ZNF560: variants seen among roughly 807,000 people sequenced by gnomAD.
ZNF560 encodes the protein zinc finger protein 560.
A neutral mutation model predicts 81.8 loss-of-function variants in ZNF560; 54 were observed. That is an observed-to-expected ratio of 0.66 (90% confidence interval 0.53 to 0.83). The LOEUF (loss-of-function observed/expected upper bound fraction) is 0.83, where lower values mean the gene tolerates loss of function less well. Ranked by LOEUF, ZNF560 falls within the 40% of genes least tolerant of loss-of-function variation. The pLI is 0.00. For synonymous variants in ZNF560, 321 were observed against 317.9 expected (o/e 1.01, Z -0.10); for missense variants, 940 against 932.4 (o/e 1.01, Z -0.11).
chr19:9,488,543 C>A (rs75704800), intron 2 of ZNF560, among the ~76,000 whole-genome samples: 2,612 of 152,090 alleles, frequency 0.017, 72 homozygotes, highest in African/African-American at 0.06. Context: ...TTATTTTTAT[C>A]ACTAGAGTCC....
chr19:9,447,604 C>T, the ZNF560 span, among the ~76,000 whole-genome samples: 8 of 152,002 alleles, frequency 5.3e-5, no homozygotes, highest in Admixed American at 5.2e-4. Context: ...CAACAGACTA[C>T]ACCAAGCAGA....
At chr19:9,498,675 G>A (rs561219115), upstream of ZNF560, 1 of 152,442 alleles carries the variant, frequency 6.6e-6, no homozygotes, top group Admixed American at 6.5e-5. Context: ...TCGTTGTGTG[G>A]GCAGTTGGAC....
At chr19:9,494,547 CA>C (rs1395420275) in intron 2 of ZNF560, among the ~76,000 whole-genome samples, 1 of 152,128 alleles carries the variant, frequency 6.6e-6, no homozygotes, top group Non-Finnish European at 1.5e-5. Flanking sequence ...CCAGCCTACC[CA>C]ACATGGCGAA....
intron 2 of ZNF560, among the ~76,000 whole-genome samples, chr19:9,481,052 C>A (rs896499152): frequency 1.4e-5 from 2 of 147,020 alleles, no homozygotes; most frequent in Non-Finnish European, 3.0e-5. Flanking sequence ...CCACTGCATT[C>A]CACCTGGGCA....
rs2073150315 is a variant in ZNF560, at chr19:9,473,264, A to C, written c.158-5T>G. The C allele has an allele frequency of 1.9e-6, 3 of 1,603,388 alleles. No individual in the cohort carries two copies. The highest frequency in any genetic ancestry group is 2.2e-5 in the East Asian group (1 of 44,614). On this transcript the variant is annotated splice_region_variant and splice_polypyrimidine_tract_variant and intron_variant, in intron 4 of 9. Coordinates refer to ENST00000301480, the MANE Select transcript of ZNF560 (RefSeq NM_152476.3). ...TGGGTTTAAAGAGCTGAAATCCTTT[A>C]CATGAAGAAATGATACATTAATGGA...
chr19:9,474,760 G>C (rs1023029355), intron 3 of ZNF560, among the ~76,000 whole-genome samples: 2 of 151,090 alleles, frequency 1.3e-5, no homozygotes, highest in Non-Finnish European at 2.9e-5. Flanking sequence ...CTGGGCTCAA[G>C]TGATCGTCCT....
chr19:9,474,371 C>A (rs372240235), intron 3 of ZNF560, 46 bp from the exon 4 acceptor site: 1 of 1,570,496 alleles, frequency 6.4e-7, no homozygotes, highest in Non-Finnish European at 8.6e-7. Flanking sequence ...AACAGATTAA[C>A]CAGTGTTCAC....
At chr19:9,475,147 A>C (rs559735517) in intron 3 of ZNF560, 137 bp downstream of exon 3, 1 of 844,446 alleles carries the variant, frequency 1.2e-6, no homozygotes, top group Non-Finnish European at 1.9e-6. Flanking sequence ...CCCTGGGGAA[A>C]TTCAACAAGT....
intron 2 of ZNF560, among the ~76,000 whole-genome samples, chr19:9,486,894 T>C (rs1291343428): frequency 1.3e-5 from 2 of 152,254 alleles, no homozygotes; most frequent in Non-Finnish European, 2.9e-5. Context: ...TCTATGTCCT[T>C]GTACTTTAAC....
chr19:9,480,380 A>C (rs1034139063), intron 2 of ZNF560, among the ~76,000 whole-genome samples: 3 of 128,532 alleles, frequency 2.3e-5, no homozygotes, highest in African/African-American at 9.9e-5. Flanking sequence ...GAAGTAACAC[A>C]CACCTGAACA....
chr19:9,447,965 T>C, the ZNF560 span, among the ~76,000 whole-genome samples: 87,279 of 151,878 alleles, frequency 0.57, 25,884 homozygotes, highest in African/African-American at 0.71. Flanking sequence ...CTAGAGGAAA[T>C]GGCACATCAG....
At chr19:9,506,251 C>T in the ZNF560 span, among the ~76,000 whole-genome samples, 1 of 152,100 alleles carries the variant, frequency 6.6e-6, no homozygotes, top group East Asian at 1.9e-4. Context: ...CCTCAGCCTC[C>T]CAAAGTGTTG....
At chr19:9,477,789 T>C (rs1030373039) in intron 2 of ZNF560, among the ~76,000 whole-genome samples, 5 of 151,992 alleles carry the variant, frequency 3.3e-5, no homozygotes, top group African/African-American at 7.3e-5. Flanking sequence ...AAAAACGCAA[T>C]TGAGATCATC....
the ZNF560 span, among the ~76,000 whole-genome samples, chr19:9,448,755 A>T: frequency 6.6e-6 from 1 of 152,204 alleles, no homozygotes; most frequent in South Asian, 2.1e-4. Flanking sequence ...CAGAGTGGCA[A>T]TCTGGATAAA....
chr19:9,465,317 G>T (rs113848333), downstream of ZNF560, among the ~76,000 whole-genome samples: 793 of 152,150 alleles, frequency 5.2e-3, 7 homozygotes, highest in African/African-American at 0.018. Flanking sequence ...TTTTAGTAGA[G>T]ACAGGGTTTC....
At chr19:9,500,661 C>A (rs945955538), upstream of ZNF560, among the ~76,000 whole-genome samples, 4 of 152,034 alleles carry the variant, frequency 2.6e-5, no homozygotes, top group South Asian at 2.1e-4. Flanking sequence ...GCAACCTCCA[C>A]CTCCCGGGTT....
In ZNF560 at chr19:9,467,265, T is replaced by A; in HGVS notation, c.1682A>T (p.Lys561Ile). The A allele has an allele frequency of 1.2e-6, 2 of 1,614,142 alleles. No homozygotes were observed. Among genetic ancestry groups the A allele is most frequent in the Non-Finnish European group, 1.7e-6 (2 of 1,180,018 alleles). ...KAFTKCSYLT[K>I]HLRTHAGEKP... ...CTCTCCAGCGTGTGTTCGTAAATGT[T>A]TGGTAAGATATGAGCACTTAGTGAA... The change falls in exon 10 of 10, where the codon AAA (lysine) becomes ATA (isoleucine). Residue 561 changes from lysine (K) to isoleucine (I), a missense_variant. Lys to Ile is a moderately radical substitution (Grantham distance 102). Transcript: ENST00000301480.
chr19:9,447,643 TCAACTAACCCA>T, the ZNF560 span, among the ~76,000 whole-genome samples: 3 of 151,850 alleles, frequency 2.0e-5, no homozygotes, highest in Admixed American at 1.3e-4. Context: ...GACTGGTCTT[TCAACTAACCCA>T]GTCAGACAAA....
In ZNF560 at chr19:9,489,121, ATAAACT is replaced by A. The variant is rs559943021; in HGVS notation, c.-57+9001_-57+9006del. ...GCAATTTAAAACTTTTAATTAAAAAATAAACTTTAATGTTGAAAATGCAAACTTGGA... is the reference window on the plus strand; with the variant it reads ...GCAATTTAAAACTTTTAATTAAAAAATTAATGTTGAAAATGCAAACTTGGA... On this transcript the variant is annotated intron_variant, in intron 2 of 9. Coordinates refer to ENST00000301480, the MANE Select transcript of ZNF560 (RefSeq NM_152476.3). Among the ~76,000 whole-genome samples the A allele has an allele frequency of 5.1e-4, 78 of 152,388 alleles. 1 individual carries two copies. The highest frequency in any genetic ancestry group is 1.9e-3 in the African/African-American group (77 of 41,592).
Sources: gnomAD v4.1 joint callset for allele counts (sites outside exome capture counted in the v4.1 genomes callset) on GRCh38, gnomAD v4.1.1 for gene constraint, MANE v1.5 for transcripts, NCBI Gene and HGNC (gene_info 2026-07-23, HGNC 2026-07-21) for gene names.